RP1L1: variants seen among roughly 807,000 people sequenced by gnomAD.
The protein encoded by RP1L1 is RP1 like 1, also known as retinitis pigmentosa 1-like 1 protein.
Under a neutral mutation model 15.7 loss-of-function variants are expected in RP1L1, and 27 were observed. That is an observed-to-expected ratio of 1.72 (90% CI 1.27 to 2.38). RP1L1 has a LOEUF of 2.38. RP1L1 is among the 30% of genes most tolerant of loss of function. The pLI is 0.00. For missense variants in RP1L1, 4,798 were observed against 3,075.9 expected (o/e 1.56, Z -13.24); for synonymous variants, 1,813 against 1,276.7 (o/e 1.42, Z -8.96).
intron 1 of RP1L1, among the ~76,000 whole-genome samples, chr8:10,643,885 C>A (rs551586266): frequency 6.6e-6 from 1 of 151,938 alleles, no homozygotes; most frequent in Admixed American, 6.6e-5. Flanking sequence ...CAGAGTGTTA[C>A]CAGAAACTGA....
At chr8:10,624,547 T>A (rs1244410128) in intron 1 of RP1L1, among the ~76,000 whole-genome samples, 1 of 152,198 alleles carries the variant, frequency 6.6e-6, no homozygotes, top group African/African-American at 2.4e-5. Flanking sequence ...AGGAAGAAAT[T>A]AGGACCACAG....
In RP1L1 at chr8:10,655,054, CG is replaced by C. The variant is rs1798618866; in HGVS notation, c.-177del. On this transcript the variant is annotated 5_prime_UTR_variant, in exon 1 of 4. The change abolishes the stop of an existing upstream ORF in the 5' untranslated region. Transcript: ENST00000382483. ...TGGCCACCCTCCTCCGGACAGTCCT[CG>C]GGGCCACTCTCCTTGGCCTGAGAGC... is the stretch of plus-strand genomic sequence containing the variant. 6.5e-6 allele frequency: 1 copy of C among 152,758 alleles called. No homozygotes were observed. The highest frequency in any genetic ancestry group is 2.1e-4 in the South Asian group (1 of 4,832). 9.5% of individuals were successfully genotyped at this position (152,758 alleles called of 1,614,324 possible).
chr8:10,651,448 G>C (rs1488442146), intron 1 of RP1L1, among the ~76,000 whole-genome samples: 10 of 152,154 alleles, frequency 6.6e-5, no homozygotes, highest in Admixed American at 3.9e-4. Flanking sequence ...CTATGCTCGG[G>C]CCGGGCGCAG....
At chr8:10,626,248 G>GT (rs200907560) in intron 1 of RP1L1, among the ~76,000 whole-genome samples, 1 of 152,130 alleles carries the variant, frequency 6.6e-6, no homozygotes, top group East Asian at 1.9e-4. Flanking sequence ...GGGAGGATGG[G>GT]GGAGGCTGGG....
At chr8:10,636,845 G>A (rs952631610) in intron 1 of RP1L1, among the ~76,000 whole-genome samples, 4 of 152,170 alleles carry the variant, frequency 2.6e-5, no homozygotes, top group Non-Finnish European at 4.4e-5. Flanking sequence ...TGCTGGGTTC[G>A]GATGCCCTGG....
chr8:10,606,822 C>T lies in RP1L1; in HGVS notation c.*73G>A. 3 of 1,605,486 alleles carry T rather than the reference C, an allele frequency of 1.9e-6. No individual in the cohort carries two copies. The stretch of plus-strand genomic sequence containing the variant: ...GACATCTCCAGTGGACTGAACGTTG[C>T]TCAGTTTTGTAGAAAAAATATGAAT... On this transcript the variant is annotated 3_prime_UTR_variant, in exon 4 of 4. Coordinates refer to ENST00000382483, the MANE Select transcript of RP1L1 (RefSeq NM_178857.6).
intron 1 of RP1L1, among the ~76,000 whole-genome samples, chr8:10,650,774 C>T (rs1317370349): frequency 2.6e-5 from 4 of 152,030 alleles, no homozygotes; most frequent in Non-Finnish European, 5.9e-5. Flanking sequence ...GCCATGTTGG[C>T]CAGGCTATTC....
chr8:10,614,321 T>G (rs543184574), intron 3 of RP1L1, among the ~76,000 whole-genome samples: 136 of 152,192 alleles, frequency 8.9e-4, no homozygotes, highest in Middle Eastern at 3.4e-3. Flanking sequence ...ACCCCAGCCA[T>G]GAAGAAGAGA....
intron 1 of RP1L1, among the ~76,000 whole-genome samples, chr8:10,635,094 C>T (rs553001637): frequency 6.6e-6 from 1 of 152,272 alleles, no homozygotes; most frequent in African/African-American, 2.4e-5. Context: ...GCAATGGAAC[C>T]GGGGAGGGAA....
In RP1L1 at chr8:10,610,928, T is replaced by G. The variant is rs748026629; in HGVS notation, c.3170A>C (p.Glu1057Ala). 4.3e-6 allele frequency: 7 copies of G among 1,611,160 alleles called. No homozygotes were observed. The South Asian group carries it at 7.7e-5, about 18-fold the overall frequency. Residue 1057 changes from glutamate (E) to alanine (A), a missense_variant, in exon 4 of 4, where the codon GAG (glutamate) becomes GCG (alanine). Physicochemically the swap from Glu to Ala is moderately radical, Grantham distance 107. Coordinates refer to ENST00000382483, the MANE Select transcript of RP1L1 (RefSeq NM_178857.6). Reference protein sequence around the residue: ...APEGVSEAPAEAGADREAPAG... With the variant: ...APEGVSEAPAAAGADREAPAG... ...TGGGGCCTCTCTGTCTGCTCCGGCC[T>G]CTGCAGGGGCCTCGGAAACTCCCTC...
intron 1 of RP1L1, among the ~76,000 whole-genome samples, chr8:10,623,777 C>G (rs1487099596): frequency 6.6e-6 from 1 of 152,054 alleles, no homozygotes; most frequent in Non-Finnish European, 1.5e-5. Flanking sequence ...TCACTATGTC[C>G]CCAGCACAGC....
Position 10,611,850 on chromosome 8 carries a change from A to G in RP1L1, c.2248T>C (p.Ser750Pro), listed in dbSNP as rs926337623. ...VTPAVHSDFVSGVSPHNAPSA... is the reference protein window; with the variant it reads ...VTPAVHSDFVPGVSPHNAPSA... The stretch of plus-strand genomic sequence containing the variant: ...GGAGCGTTGTGCGGGGAGACTCCAG[A>G]AACAAAATCCGAGTGGACTGCAGGG... Residue 750 changes from serine (S) to proline (P), a missense_variant, in exon 4 of 4, where the codon TCT (serine) becomes CCT (proline). By Grantham distance (74) the Ser-to-Pro change is moderately conservative. Coordinates refer to ENST00000382483, the MANE Select transcript of RP1L1 (RefSeq NM_178857.6). 1 of 1,613,780 alleles carries G rather than the reference A, an allele frequency of 6.2e-7. No homozygotes were observed. The highest frequency in any genetic ancestry group is 1.7e-5 in the Admixed American group (1 of 60,032).
At chr8:10,637,246 G>C (rs964720680) in intron 1 of RP1L1, among the ~76,000 whole-genome samples, 1 of 152,160 alleles carries the variant, frequency 6.6e-6, no homozygotes, top group East Asian at 1.9e-4. Flanking sequence ...CAACCTCCCA[G>C]GCTTGGCCGC....
intron 1 of RP1L1, among the ~76,000 whole-genome samples, chr8:10,630,795 C>G (rs1033830307): frequency 6.6e-6 from 1 of 152,238 alleles, no homozygotes; most frequent in African/African-American, 2.4e-5. Flanking sequence ...TTGAAATCCA[C>G]TGAGCCAAAA....
chr8:10,609,869 A>G lies in RP1L1; in HGVS notation c.4229T>C (p.Leu1410Ser). The change falls in exon 4 of 4, where the codon TTG (leucine) becomes TCG (serine). Residue 1410 changes from leucine to serine, a missense_variant. Transcript: ENST00000382483. ...CCCATCCGGAGAGCTGGCCTCTGAC[A>G]ATTCCTGCCCGTGGACGCTTCCTTC... ...PEEGSVHGQE[L>S]SEASSPDGKG... The G allele has an allele frequency of 6.2e-7, 1 of 1,607,788 alleles. No homozygotes were observed. Among genetic ancestry groups the G allele is most frequent in the South Asian group, 1.1e-5 (1 of 90,868 alleles).
chr8:10,632,291 C>A (rs568948970), intron 1 of RP1L1, among the ~76,000 whole-genome samples: 1 of 152,324 alleles, frequency 6.6e-6, no homozygotes, highest in African/African-American at 2.4e-5. Flanking sequence ...GTTGAGTTGG[C>A]ACCATCTAGA....
chr8:10,606,914 T>C lies in RP1L1; in HGVS notation c.7184A>G (p.Gln2395Arg), dbSNP rs1329209414. Residue 2395 changes from glutamine (Q) to arginine (R), a missense_variant, in exon 4 of 4, where the codon CAA becomes CGA. Transcript: ENST00000382483. The part of the protein sequence containing the change: ...EAVGRADGFG[Q>R]DDLDF ...TCTTGTCTAGAAATCTAAGTCATCT[T>C]GGCCAAAGCCGTCTGCCCTGCCCAC... 1.2e-6 allele frequency: 2 copies of C among 1,614,242 alleles called. No individual in the cohort carries two copies. Among genetic ancestry groups the C allele is most frequent in the Non-Finnish European group, 1.7e-6 (2 of 1,180,046 alleles).
Position 10,610,324 on chromosome 8 carries a change from G to C in RP1L1, c.3774C>G (p.Phe1258Leu), listed in dbSNP as rs760370582. The change falls in exon 4 of 4, where the codon TTC (phenylalanine) becomes TTG (leucine). Residue 1258 changes from phenylalanine to leucine, a missense_variant. By Grantham distance (22) the Phe-to-Leu change is conservative. Coordinates refer to ENST00000382483, the MANE Select transcript of RP1L1 (RefSeq NM_178857.6). ...GDLENQQQCC[F>L]PTFLNARACA... ...AGGCTCGGGCGTTCAAGAAGGTTGG[G>C]AAACAACACTGCTGTTGGTTTTCCA... 4.3e-6 allele frequency: 7 copies of C among 1,614,078 alleles called. No homozygotes were observed. Among genetic ancestry groups the C allele is most frequent in the Non-Finnish European group, 2.5e-6 (3 of 1,180,048 alleles).
At chr8:10,628,570 C>T (rs140479125) in intron 1 of RP1L1, among the ~76,000 whole-genome samples, 3 of 152,258 alleles carry the variant, frequency 2.0e-5, no homozygotes, top group Non-Finnish European at 4.4e-5. Context: ...GGAGAAACAA[C>T]AGAGAGAGTG....
Sources: gnomAD v4.1 joint callset for allele counts (sites outside exome capture counted in the v4.1 genomes callset) on GRCh38, gnomAD v4.1.1 for gene constraint, MANE v1.5 for transcripts, NCBI Gene and HGNC (gene_info 2026-07-23, HGNC 2026-07-21) for gene names.